DTHD1: variants seen among roughly 807,000 people sequenced by gnomAD.
DTHD1 encodes the protein death domain-containing protein 1.
In DTHD1, 59 loss-of-function variants were observed where a neutral mutation model predicts 74.8. The ratio of observed to expected loss-of-function variants is 0.79; its 90% CI spans 0.64 to 0.98. The LOEUF (loss-of-function observed/expected upper bound fraction) is 0.98. Ranked by LOEUF, DTHD1 falls within the 50% of genes least tolerant of loss-of-function variation. The pLI, the probability that DTHD1 is intolerant of heterozygous loss-of-function variation, is 0.00. For synonymous variants in DTHD1, 365 were observed against 371.1 expected (o/e 0.98, Z 0.19); for missense variants, 1,051 against 1,065.4 (o/e 0.99, Z 0.19).
intron 8 of DTHD1, among the ~76,000 whole-genome samples, chr4:36,338,030 C>A (rs913629024): frequency 1.3e-5 from 2 of 152,118 alleles, no homozygotes; most frequent in Non-Finnish European, 2.9e-5. Flanking sequence ...ATGTATAGTT[C>A]TCTGGCATTT....
chr4:36,316,423 T>C lies in DTHD1; in HGVS notation c.2277T>C (p.Ser759=). The C allele has an allele frequency of 6.4e-7, 1 of 1,551,826 alleles. No individual in the cohort carries two copies. The highest frequency in any genetic ancestry group is 8.7e-7 in the Non-Finnish European group (1 of 1,147,008). ...AGATAGTCCCCAACTTGAATCAATC[T>C]CTCGTAATTAATGAAAACCATTCTC... ...KGKIVPNLNQ[S]LVINENHSQL... is the part of the protein sequence containing the mutation. Residue 759 remains serine (S), a synonymous_variant, in exon 8 of 10, where the codon TCT becomes TCC. Coordinates refer to ENST00000639862, the MANE Select transcript of DTHD1 (RefSeq NM_001170700.3).
At chr4:36,286,515 A>G (rs955372781) in intron 2 of DTHD1, among the ~76,000 whole-genome samples, 1 of 152,200 alleles carries the variant, frequency 6.6e-6, no homozygotes, top group Non-Finnish European at 1.5e-5. Flanking sequence ...TAGCTTTCTG[A>G]AAGCAACCTA....
chr4:36,281,892 C>T lies in DTHD1; in HGVS notation c.134C>T (p.Ala45Val). The T allele has an allele frequency of 7.8e-7, 1 of 1,287,570 alleles. No homozygotes were observed. The highest frequency in any genetic ancestry group is 2.9e-5 in the East Asian group (1 of 33,958). 79.8% of individuals were successfully genotyped at this position (1,287,570 alleles called of 1,614,324 possible). Residue 45 changes from alanine (A) to valine (V), a missense_variant, in exon 1 of 10, where the codon GCC (alanine) becomes GTC (valine). Transcript: ENST00000639862. ...GGGGCTGGTGGGGCCACTTGGATGG[C>T]CACTGTGGTCTTTCTGGGTCAGGAA... The part of the protein sequence containing the change: ...CEGAGGATWM[A>V]TVVFLGQELS...
At chr4:36,299,438 CT>C in intron 5 of DTHD1, among the ~76,000 whole-genome samples, 1 of 152,178 alleles carries the variant, frequency 6.6e-6, no homozygotes. Context: ...TTGCCTGCTG[CT>C]TTCAAGATCT....
Position 36,323,979 on chromosome 4 carries a change from C to T in DTHD1, c.2340+7493C>T, listed in dbSNP as rs562986338. On this transcript the variant is annotated intron_variant, in intron 8 of 9. Coordinates refer to ENST00000639862, the MANE Select transcript of DTHD1 (RefSeq NM_001170700.3). ...TGCAGTTCCACTTTCCTACAGGCAA[C>T]CAGAATGACCTTCAAAGCCACAATT... is the stretch of plus-strand genomic sequence containing the variant. 5.9e-5 allele frequency among the ~76,000 whole-genome samples: 9 copies of T among 152,252 alleles called. No individual in the cohort carries two copies. In the South Asian group the frequency reaches 1.7e-3, roughly 28 times the overall value.
At chr4:36,285,265 T>C (rs1051682982) in intron 2 of DTHD1, among the ~76,000 whole-genome samples, 1 of 152,134 alleles carries the variant, frequency 6.6e-6, no homozygotes, top group Non-Finnish European at 1.5e-5. Flanking sequence ...TCAAATATAA[T>C]AAGAAAAACT....
At position 36,345,279 on chromosome 4, in the gene DTHD1, T is replaced by C. The variant is rs1159312064; in HGVS notation, c.*1455T>C. Reference sequence around the variant, plus strand: ...TCTTTCTATTGATAATCGCTATTAATGTCTAGTATAAGCTTTGAGTTTTTG... The same window carrying C: ...TCTTTCTATTGATAATCGCTATTAACGTCTAGTATAAGCTTTGAGTTTTTG... On this transcript the variant is annotated 3_prime_UTR_variant, in exon 10 of 10. Coordinates refer to ENST00000639862, the MANE Select transcript of DTHD1 (RefSeq NM_001170700.3). The C allele has an allele frequency of 6.6e-6, 1 of 152,204 alleles. No individual in the cohort carries two copies. The highest frequency in any genetic ancestry group is 1.5e-5 in the Non-Finnish European group (1 of 68,030). The allele number at this position is 152,204 out of a possible 1,614,324, so 9.4% of individuals were successfully genotyped here.
intron 8 of DTHD1, among the ~76,000 whole-genome samples, chr4:36,318,678 G>A (rs1020408196): frequency 1.5e-4 from 21 of 143,776 alleles, no homozygotes; most frequent in South Asian, 4.5e-4. Context: ...GCAGTGGCGC[G>A]ATCTCGGCTC....
At chr4:36,305,381 G>T (rs10030383) in intron 5 of DTHD1, among the ~76,000 whole-genome samples, 3,215 of 152,098 alleles carry the variant, frequency 0.021, 119 homozygotes, top group African/African-American at 0.073. Context: ...ATGGCAGAAG[G>T]CAAGAGAGAA....
intron 6 of DTHD1, among the ~76,000 whole-genome samples, chr4:36,307,634 C>A (rs765331240): frequency 6.6e-6 from 1 of 152,160 alleles, no homozygotes; most frequent in Non-Finnish European, 1.5e-5. Context: ...TCCTTCCCAC[C>A]TACACAGAGA....
chr4:36,304,161 T>C (rs181661075), intron 5 of DTHD1, among the ~76,000 whole-genome samples: 1 of 152,316 alleles, frequency 6.6e-6, no homozygotes, highest in Non-Finnish European at 1.5e-5. Context: ...CCTGTTGGTC[T>C]CCACAAATAC....
intron 8 of DTHD1, among the ~76,000 whole-genome samples, chr4:36,330,774 C>T (rs937422819): frequency 1.3e-5 from 2 of 152,098 alleles, no homozygotes; most frequent in Non-Finnish European, 2.9e-5. Context: ...TCACTCAATA[C>T]TTACATAAGC....
intron 6 of DTHD1, among the ~76,000 whole-genome samples, chr4:36,307,610 G>A (rs1002249255): frequency 4.6e-5 from 7 of 152,024 alleles, no homozygotes; most frequent in East Asian, 1.9e-4. Context: ...TCCTACCAAC[G>A]TCCATCCTAA....
intron 8 of DTHD1, among the ~76,000 whole-genome samples, chr4:36,332,369 A>C (rs979314158): frequency 6.6e-6 from 1 of 152,130 alleles, no homozygotes; most frequent in African/African-American, 2.4e-5. Flanking sequence ...TCCCCTTTCT[A>C]ACTTTCACCT....
chr4:36,294,715 T>C, intron 4 of DTHD1, 80 bp from the exon 5 acceptor site: 6 of 1,365,328 alleles, frequency 4.4e-6, no homozygotes, highest in Non-Finnish European at 5.8e-6. Flanking sequence ...CATAGAATTT[T>C]CAAAAAACTG....
In DTHD1 at chr4:36,306,294, G is replaced by C; in HGVS notation, c.1747G>C (p.Val583Leu). The C allele has an allele frequency of 6.4e-7, 1 of 1,550,436 alleles. No homozygotes were observed. The highest frequency in any genetic ancestry group is 8.7e-7 in the Non-Finnish European group (1 of 1,145,832). Residue 583 changes from valine (V) to leucine (L), a missense_variant, in exon 6 of 10, where the codon GTT becomes CTT. Val to Leu is a conservative substitution (Grantham distance 32). Coordinates refer to ENST00000639862, the MANE Select transcript of DTHD1 (RefSeq NM_001170700.3). The stretch of plus-strand genomic sequence containing the variant: ...CAGTGGTTGGTGTGGGCTTGATGAT[G>C]TTGTGAAAACCATACAGAGCGGCTT... ...QDSGWCGLDDVVKTIQSGLVS... is the reference protein window; with the variant it reads ...QDSGWCGLDDLVKTIQSGLVS...
At chr4:36,320,258 C>T (rs1006611559) in intron 8 of DTHD1, among the ~76,000 whole-genome samples, 8 of 152,128 alleles carry the variant, frequency 5.3e-5, no homozygotes, top group Non-Finnish European at 7.3e-5. Flanking sequence ...CGAATTTTCT[C>T]TCCCCAAGGG....
chr4:36,318,089 T>C (rs1757832761), intron 8 of DTHD1, among the ~76,000 whole-genome samples: 1 of 152,228 alleles, frequency 6.6e-6, no homozygotes, highest in Non-Finnish European at 1.5e-5. Context: ...AATCCTATGA[T>C]ACATAATTGT....
chr4:36,343,407 G>A, intron 9 of DTHD1, 95 bp from the exon 10 acceptor site: 1 of 1,206,760 alleles, frequency 8.3e-7, no homozygotes, highest in Non-Finnish European at 1.1e-6. Context: ...AAACAAAAGA[G>A]CAGGGAGACT....
Sources: allele counts gnomAD v4.1 joint callset (sites outside exome capture counted in the v4.1 genomes callset), GRCh38; gene constraint gnomAD v4.1.1; transcripts MANE v1.5; gene names NCBI Gene and HGNC (gene_info 2026-07-23, HGNC 2026-07-21).